The following RGS3 variants were observed in gnomAD, a reference collection of about 807,000 sequenced individuals.
RGS3 encodes regulator of G protein signaling 3, also known as regulator of G-protein signalling 3.
Under a neutral mutation model 132.6 loss-of-function variants are expected in RGS3, and 80 were observed. The observed-to-expected ratio is 0.60, with a 90% CI of 0.50 to 0.73. The LOEUF (loss-of-function observed/expected upper bound fraction) is 0.73. Among genes scored for constraint, RGS3 ranks in the 30% least tolerant of loss-of-function variants. RGS3 has a pLI of 0.00. For synonymous variants in RGS3, 598 were observed against 620.6 expected, an observed-to-expected ratio of 0.96 and a Z score of 0.54; for missense variants, 1,382 against 1,530.8, an observed-to-expected ratio of 0.90 and a Z score of 1.62.
At position 113,507,173 on chromosome 9, in the gene RGS3, C is replaced by A; in HGVS notation, c.1086-114C>A. ...CCTGCCCTGACACTGGGGGCTTCCC[C>A]TCTGGTGTCTGCCTCCTCTTCCCCC... On this transcript the variant is annotated intron_variant, in intron 12 of 24. Transcript: ENST00000350696. This position sits in a 1 kb window ranked among gnomAD's most constrained non-coding sequence, Gnocchi z 5.0. The A allele has an allele frequency of 1.2e-6, 1 of 827,168 alleles. No individual in the cohort carries two copies. Among genetic ancestry groups the A allele is most frequent in the Non-Finnish European group, 1.9e-6 (1 of 530,096 alleles). 51.2% of individuals were successfully genotyped at this position (827,168 alleles called of 1,614,324 possible).
At chr9:113,465,265 T>C (rs1456530067) in intron 3 of RGS3, among the ~76,000 whole-genome samples, 1 of 152,144 alleles carries the variant, frequency 6.6e-6, no homozygotes, top group East Asian at 1.9e-4. Context: ...GTGTCCTGAT[T>C]AAAAAGTAAA....
chr9:113,535,157 G>T (rs1564537983), intron 18 of RGS3, among the ~76,000 whole-genome samples: 1 of 149,590 alleles, frequency 6.7e-6, no homozygotes, highest in African/African-American at 2.5e-5. Context: ...ATTTTATTTT[G>T]TTTTTTTTTC....
At chr9:113,577,596 A>T (rs1405984047) in intron 19 of RGS3, among the ~76,000 whole-genome samples, 1 of 152,174 alleles carries the variant, frequency 6.6e-6, no homozygotes, top group Non-Finnish European at 1.5e-5. Context: ...CTGATGGGAT[A>T]TGCAGAAGGA....
chr9:113,477,441 G>A (rs1456004078), intron 3 of RGS3, among the ~76,000 whole-genome samples: 1 of 152,172 alleles, frequency 6.6e-6, no homozygotes, highest in African/African-American at 2.4e-5. Context: ...AGGGTCAAGT[G>A]ATGTCTGGGT....
At chr9:113,461,583 C>G (rs1307901184) in intron 1 of RGS3, 1 of 997,326 alleles carries the variant, frequency 1.0e-6, no homozygotes, top group African/African-American at 1.6e-5. Flanking sequence ...TTGCAATCTT[C>G]CAACTGAATA....
chr9:113,525,270 G>T (rs764912276), intron 17 of RGS3, among the ~76,000 whole-genome samples: 1 of 152,164 alleles, frequency 6.6e-6, no homozygotes, highest in Non-Finnish European at 1.5e-5. Context: ...CCAACGCTTA[G>T]ATTTCTTTCC....
intron 3 of RGS3, among the ~76,000 whole-genome samples, chr9:113,471,108 C>T (rs991464041): frequency 2.6e-5 from 4 of 152,174 alleles, no homozygotes; most frequent in African/African-American, 9.7e-5. Flanking sequence ...CTGGGTTAGT[C>T]TTAATTCAGT....
At chr9:113,486,502 A>G (rs972719857) in intron 7 of RGS3, among the ~76,000 whole-genome samples, 1 of 152,218 alleles carries the variant, frequency 6.6e-6, no homozygotes, top group Non-Finnish European at 1.5e-5. Context: ...GTTAGAGCGG[A>G]GCAGGGGAGG....
At chr9:113,528,783 C>T (rs547770325) in intron 17 of RGS3, among the ~76,000 whole-genome samples, 15 of 152,324 alleles carry the variant, frequency 9.8e-5, no homozygotes, top group South Asian at 6.2e-4. Context: ...CATTCCTTGG[C>T]GGAAAACAAG....
intron 10 of RGS3, among the ~76,000 whole-genome samples, chr9:113,499,638 C>G (rs1417388097): frequency 6.6e-6 from 1 of 152,250 alleles, no homozygotes; most frequent in East Asian, 1.9e-4. Context: ...CCTATGTAGG[C>G]TGGGCCCTGT....
intron 10 of RGS3, among the ~76,000 whole-genome samples, chr9:113,500,044 C>T (rs953213003): frequency 2.0e-5 from 3 of 152,190 alleles, no homozygotes; most frequent in Non-Finnish European, 2.9e-5. Flanking sequence ...GCATCAACAC[C>T]GTAAGTTTGC....
intron 1 of RGS3, among the ~76,000 whole-genome samples, chr9:113,447,319 G>GTATGTATATGTATA (rs1201831545): frequency 1.4e-4 from 3 of 21,886 alleles, no homozygotes; most frequent in Non-Finnish European, 2.8e-4. Flanking sequence ...AAATTCTGAT[G>GTATGTATATGTATA]TATGTATATG....
chr9:113,471,675 CCTTT>C, intron 3 of RGS3, among the ~76,000 whole-genome samples: 1 of 151,976 alleles, frequency 6.6e-6, no homozygotes, highest in Non-Finnish European at 1.5e-5. Flanking sequence ...CTCCGTCCCT[CCTTT>C]CTTTCTCCCT....
intron 19 of RGS3, among the ~76,000 whole-genome samples, chr9:113,546,224 C>G (rs1833109138): frequency 6.6e-6 from 1 of 152,176 alleles, no homozygotes; most frequent in Admixed American, 6.5e-5. Context: ...CGTTGACTGC[C>G]CTCCTTGGCT....
At chr9:113,529,035 A>C (rs1415596522) in intron 17 of RGS3, among the ~76,000 whole-genome samples, 186 bp from the exon 16 acceptor site, 1 of 152,128 alleles carries the variant, frequency 6.6e-6, no homozygotes, top group Non-Finnish European at 1.5e-5. Context: ...AGAGCTGTAC[A>C]TTACCCTGGT....
At chr9:113,467,149 T>C (rs1829670990) in intron 3 of RGS3, among the ~76,000 whole-genome samples, 1 of 152,232 alleles carries the variant, frequency 6.6e-6, no homozygotes, top group South Asian at 2.1e-4. Flanking sequence ...TTTCTCCCTT[T>C]TGACTATTAT....
intron 3 of RGS3, among the ~76,000 whole-genome samples, chr9:113,465,439 C>CTGTG (rs3221187): frequency 0.32 from 43,222 of 135,252 alleles, 6,869 homozygotes; most frequent in East Asian, 0.59. Context: ...ACACCTATTT[C>CTGTG]TGTGTGTGTG....
chr9:113,575,807 C>T (rs1202279752), intron 19 of RGS3, among the ~76,000 whole-genome samples: 2 of 152,180 alleles, frequency 1.3e-5, no homozygotes, highest in Non-Finnish European at 2.9e-5. Flanking sequence ...TGGGTCCAGA[C>T]AGGCATTTTT....
At chr9:113,488,280 C>T (rs1043958509) in intron 7 of RGS3, among the ~76,000 whole-genome samples, 6 of 152,076 alleles carry the variant, frequency 3.9e-5, no homozygotes, top group South Asian at 2.1e-4. Context: ...GCTTGGGATA[C>T]GGTGAGATGC....
Sources: gnomAD v4.1 joint callset for allele counts (sites outside exome capture counted in the v4.1 genomes callset) on GRCh38, gnomAD v4.1.1 for gene constraint, Gnocchi (gnomAD v3.1) non-coding constraint, MANE v1.5 for transcripts, NCBI Gene and HGNC (gene_info 2026-07-23, HGNC 2026-07-21) for gene names.